Variants in MLLT10 observed in about 807,000 individuals in gnomAD.
MLLT10 encodes the protein protein AF-10.
Under a neutral mutation model 129.1 loss-of-function variants are expected in MLLT10, and 30 were observed. That is an observed-to-expected ratio of 0.23 (90% confidence interval 0.17 to 0.32). The LOEUF is 0.32. Ranked by LOEUF, MLLT10 falls within the 10% of genes least tolerant of loss-of-function variation. The pLI, the probability that MLLT10 is intolerant of heterozygous loss-of-function variation, is 1.00. For synonymous variants in MLLT10, 490 were observed against 446.4 expected, an observed-to-expected ratio of 1.10 and a Z score of -1.23; for missense variants, 1,119 against 1,268.3, an observed-to-expected ratio of 0.88 and a Z score of 1.79.
chr10:21,567,186 A>C (rs1467364979), intron 3 of MLLT10, among the ~76,000 whole-genome samples: 1 of 152,220 alleles, frequency 6.6e-6, no homozygotes, highest in Non-Finnish European at 1.5e-5. Context: ...GAGACTATGC[A>C]CTTACTTAAA....
intron 8 of MLLT10, among the ~76,000 whole-genome samples, chr10:21,641,065 A>C (rs771095294): frequency 6.6e-6 from 1 of 152,210 alleles, no homozygotes; most frequent in Non-Finnish European, 1.5e-5. Flanking sequence ...CATCATTTTC[A>C]TTCAGACTAC....
At chr10:21,725,758 T>G (rs933449699) in intron 14 of MLLT10, among the ~76,000 whole-genome samples, 5 of 150,338 alleles carry the variant, frequency 3.3e-5, no homozygotes, top group African/African-American at 1.2e-4. Flanking sequence ...GTAACTTTTT[T>G]TTTTTTTTTT....
At chr10:21,647,077 C>G (rs570106572) in intron 8 of MLLT10, among the ~76,000 whole-genome samples, 2 of 152,096 alleles carry the variant, frequency 1.3e-5, no homozygotes, top group African/African-American at 4.8e-5. Flanking sequence ...AGGATGGTCT[C>G]GATCTCCCGA....
intron 1 of MLLT10, 21 bp downstream of exon 1, chr10:21,534,541 C>G (rs1191097714): frequency 1.2e-5 from 12 of 996,326 alleles, no homozygotes; most frequent in Admixed American, 4.0e-5. Flanking sequence ...GGTGGGCTGC[C>G]GGGCCGGGCG....
At chr10:21,672,556 C>T (rs375817052) in intron 10 of MLLT10, among the ~76,000 whole-genome samples, 4 of 152,038 alleles carry the variant, frequency 2.6e-5, no homozygotes, top group East Asian at 1.9e-4. Context: ...CCTCCCGCTT[C>T]GGCCTCCCAA....
At chr10:21,624,121 C>T (rs768359804) in intron 8 of MLLT10, among the ~76,000 whole-genome samples, 2 of 152,052 alleles carry the variant, frequency 1.3e-5, no homozygotes, top group African/African-American at 2.4e-5. Context: ...GCAAAACATA[C>T]GATCATAGGT....
At chr10:21,725,911 C>T (rs890037185) in intron 14 of MLLT10, among the ~76,000 whole-genome samples, 2 of 151,676 alleles carry the variant, frequency 1.3e-5, no homozygotes, top group African/African-American at 2.4e-5. Flanking sequence ...CCACCATGCA[C>T]GGCTAATTTT....
intron 11 of MLLT10, among the ~76,000 whole-genome samples, chr10:21,675,297 A>C (rs1233247780): frequency 1.3e-5 from 2 of 152,200 alleles, no homozygotes; most frequent in Non-Finnish European, 2.9e-5. Flanking sequence ...GGATGGGACA[A>C]GTCTTCATGT....
chr10:21,625,177 T>C, intron 8 of MLLT10: 1 of 1,454,156 alleles, frequency 6.9e-7, no homozygotes, highest in Non-Finnish European at 9.6e-7. Context: ...AATCTTCATA[T>C]GCAGTGCTTC....
chr10:21,717,995 C>T (rs1242583275), intron 14 of MLLT10, among the ~76,000 whole-genome samples: 1 of 151,540 alleles, frequency 6.6e-6, no homozygotes, highest in East Asian at 1.9e-4. Context: ...CAGGTGCCCG[C>T]CACCACGCCT....
chr10:21,698,492 C>T (rs2054584219), intron 13 of MLLT10, among the ~76,000 whole-genome samples: 1 of 152,138 alleles, frequency 6.6e-6, no homozygotes, highest in Admixed American at 6.5e-5. Context: ...GAGGTTGATT[C>T]CATATCTTTG....
intron 22 of MLLT10, 117 bp from the exon 23 acceptor site, chr10:21,741,822 C>A: frequency 9.3e-7 from 1 of 1,074,538 alleles, no homozygotes; most frequent in Non-Finnish European, 1.4e-6. Flanking sequence ...TGCCAACTTG[C>A]AAGAAAAAAG....
intron 13 of MLLT10, among the ~76,000 whole-genome samples, chr10:21,694,400 T>G (rs1428331571): frequency 6.6e-6 from 1 of 152,234 alleles, no homozygotes; most frequent in Non-Finnish European, 1.5e-5. Flanking sequence ...CAGTGCATAT[T>G]ATCAATAACA....
intron 13 of MLLT10, among the ~76,000 whole-genome samples, chr10:21,703,125 A>G (rs950820667): frequency 6.6e-6 from 1 of 152,056 alleles, no homozygotes. Flanking sequence ...CATGGTGGCA[A>G]ATGTCATCCT....
At chr10:21,603,081 A>C (rs1246012510) in intron 5 of MLLT10, among the ~76,000 whole-genome samples, 2 of 148,304 alleles carry the variant, frequency 1.3e-5, no homozygotes, top group Non-Finnish European at 3.0e-5. Context: ...TTGAGATGGA[A>C]TCTCACTGTT....
intron 9 of MLLT10, among the ~76,000 whole-genome samples, chr10:21,667,313 C>G (rs2050908275): frequency 6.7e-6 from 1 of 149,124 alleles, no homozygotes; most frequent in East Asian, 1.9e-4. Context: ...AGTTCATTTA[C>G]TTTTCTTCAT....
At chr10:21,703,744 C>T (rs186981244) in intron 13 of MLLT10, among the ~76,000 whole-genome samples, 4 of 152,058 alleles carry the variant, frequency 2.6e-5, no homozygotes, top group African/African-American at 9.6e-5. Flanking sequence ...CAGGGTTTCA[C>T]CATGTTGATC....
Position 21,541,232 on chromosome 10 carries a change from T to C in MLLT10, c.240+2320T>C, listed in dbSNP as rs562206457. On this transcript the variant is annotated intron_variant, in intron 3 of 22. Coordinates refer to ENST00000307729, the MANE Select transcript of MLLT10 (RefSeq NM_001195626.3). Reference sequence around the variant, plus strand: ...AGTCTCAGAACTATTTGTATTTTATTATTTTGAGACAGTCTTGCTCTGTTC... The same window carrying C: ...AGTCTCAGAACTATTTGTATTTTATCATTTTGAGACAGTCTTGCTCTGTTC... 2.0e-4 allele frequency: 30 copies of C among 152,244 alleles called. 1 individual carries two copies. The highest frequency in any genetic ancestry group is 2.0e-3 in the Admixed American group (30 of 15,298). The allele number at this position is 152,244 out of a possible 1,614,324, so 9.4% of individuals were successfully genotyped here. A position where few individuals can be genotyped will look rare whatever the true frequency, so the allele number is the denominator to read the frequency against.
chr10:21,714,932 C>G (rs554126389), intron 14 of MLLT10, among the ~76,000 whole-genome samples: 61 of 152,146 alleles, frequency 4.0e-4, no homozygotes, highest in African/African-American at 1.4e-3. Flanking sequence ...TATTACACCC[C>G]CCTTCCCCAA....
Sources: gnomAD v4.1 joint callset for allele counts (sites outside exome capture counted in the v4.1 genomes callset) on GRCh38, gnomAD v4.1.1 for gene constraint, MANE v1.5 for transcripts, NCBI Gene and HGNC (gene_info 2026-07-23, HGNC 2026-07-21) for gene names.